SP2: variants seen among roughly 807,000 people sequenced by gnomAD.
The protein encoded by SP2 is transcription factor Sp2.
SP2 carries 9 observed loss-of-function variants against 50.1 expected under a neutral mutation model. That is an observed-to-expected ratio of 0.18 (90% confidence interval 0.11 to 0.31). SP2 has a LOEUF of 0.31. Ranked by LOEUF, SP2 falls within the 10% of genes least tolerant of loss-of-function variation. The pLI is 1.00. For synonymous variants in SP2, 313 were observed against 326.6 expected (o/e 0.96, Z 0.45); for missense variants, 581 against 806.5 (o/e 0.72, Z 3.39).
chr17:47,920,747 A>T lies in SP2; in HGVS notation c.1060-2215A>T, dbSNP rs550067482. Among the ~76,000 whole-genome samples the T allele has an allele frequency of 6.6e-5, 10 of 152,306 alleles. No individual in the cohort carries two copies. In the East Asian group the frequency reaches 1.5e-3, roughly 23 times the overall value. On this transcript the variant is annotated intron_variant, in intron 3 of 6. Coordinates refer to ENST00000376741, the MANE Select transcript of SP2 (RefSeq NM_003110.6). ...TCAGGTTGGCTCTTATATCCCTCTG[A>T]CAGGCTCTCATTCTTTTTTTTTATA...
chr17:47,917,208 C>G, intron 3 of SP2, 78 bp downstream of exon 3: 1 of 1,416,050 alleles, frequency 7.1e-7, no homozygotes, highest in Non-Finnish European at 9.6e-7. Flanking sequence ...TGATGCTGGT[C>G]ATCTCCCAGC....
intron 4 of SP2, among the ~76,000 whole-genome samples, chr17:47,924,344 C>T (rs2035570641): frequency 6.6e-6 from 1 of 152,084 alleles, no homozygotes; most frequent in Non-Finnish European, 1.5e-5. Flanking sequence ...CCTATATGCC[C>T]AGGCTGGTCT....
At chr17:47,915,484 T>C in intron 2 of SP2, 96 bp downstream of exon 2, 2 of 737,256 alleles carry the variant, frequency 2.7e-6, no homozygotes, top group Non-Finnish European at 4.4e-6. Context: ...ATAAATACCC[T>C]AGGTTATGAG....
chr17:47,900,055 A>G (rs2034478692), intron 1 of SP2: 2 of 152,248 alleles, frequency 1.3e-5, no homozygotes, highest in Admixed American at 6.5e-5. Flanking sequence ...GCAGAGGCTT[A>G]GCTTTCTTGT....
chr17:47,916,106 G>A lies in SP2; in HGVS notation c.85-50G>A, dbSNP rs367966307. 107 of 1,553,604 alleles carry A rather than the reference G, an allele frequency of 6.9e-5. No individual in the cohort carries two copies. The highest frequency in any genetic ancestry group is 2.6e-4 in the South Asian group (21 of 80,722). ...GAGAGGATCATGGACAGAGGCGGCC[G>A]GGCAGCGGGCCTTCCTGTCTCACTC... On this transcript the variant is annotated intron_variant, in intron 2 of 6. Coordinates refer to ENST00000376741, the MANE Select transcript of SP2 (RefSeq NM_003110.6). The surrounding 1 kb of genome is among the most constrained non-coding windows in gnomAD (Gnocchi z 4.7).
intron 1 of SP2, chr17:47,909,682 T>C (rs912232279): frequency 6.1e-5 from 60 of 983,506 alleles, no homozygotes; most frequent in Non-Finnish European, 7.1e-5. Context: ...AGGAGGAGGC[T>C]AAGAGGGACC....
rs757345564 is a variant in SP2, at chr17:47,916,841, C to A, written c.770C>A (p.Pro257His). 29 of 1,614,062 alleles carry A rather than the reference C, an allele frequency of 1.8e-5. No individual in the cohort carries two copies. The highest frequency in any genetic ancestry group is 2.2e-5 in the Non-Finnish European group (26 of 1,179,996). ...ARKKSLPASQPPVAVAEQVET... is the reference protein window; with the variant it reads ...ARKKSLPASQHPVAVAEQVET... ...AAGAAGAGCCTTCCTGCCTCCCAGC[C>A]CCCTGTGGCTGTGGCTGAGCAGGTG... Residue 257 changes from proline to histidine, a missense_variant, in exon 3 of 7, where the codon CCC becomes CAC. Physicochemically the swap from Pro to His is moderately conservative, Grantham distance 77. Around this residue, in one of 2 missense-constraint regions of SP2, gnomAD observed 397 missense variants for 491.0 expected, o/e 0.81. Transcript: ENST00000376741. The surrounding 1 kb of genome is among the most constrained non-coding windows in gnomAD (Gnocchi z 4.7).
chr17:47,925,268 C>A, intron 5 of SP2, 80 bp from the exon 6 acceptor site: 1 of 1,448,092 alleles, frequency 6.9e-7, no homozygotes, highest in Non-Finnish European at 9.5e-7. Flanking sequence ...ATCCTCACTG[C>A]ATCCTGTTCC....
At position 47,923,231 on chromosome 17, in the gene SP2, TGTCCAG is replaced by T. The variant is rs766704376; in HGVS notation, c.1337_1342del (p.Val446_Gln447del). On this transcript the variant is annotated inframe_deletion, in exon 4 of 7. Transcript: ENST00000376741. ...CAATGCAGACCATCAACATCAATGG[TGTCCAG>T]GTCCAGGGCGTGCCTGTCACCATCA... The T allele has an allele frequency of 6.2e-7, 1 of 1,610,678 alleles. No homozygotes were observed. Among genetic ancestry groups the T allele is most frequent in the East Asian group, 2.2e-5 (1 of 44,892 alleles).
In SP2 at chr17:47,911,846, G is replaced by T. The variant is rs545039590; in HGVS notation, c.8-3466G>T. Among the ~76,000 whole-genome samples, 3 of 151,412 alleles carry T rather than the reference G, an allele frequency of 2.0e-5. No individual in the cohort carries two copies. In the East Asian group the frequency reaches 5.8e-4, roughly 29 times the overall value. On this transcript the variant is annotated intron_variant, in intron 1 of 6. Coordinates refer to ENST00000376741, the MANE Select transcript of SP2 (RefSeq NM_003110.6). Reference sequence around the variant, plus strand: ...ATCACAGTGAAAACACACAAGAAAAGAATAAAAAGGCCTCTGCGGAGATGC... The same window carrying T: ...ATCACAGTGAAAACACACAAGAAAATAATAAAAAGGCCTCTGCGGAGATGC...
intron 1 of SP2, among the ~76,000 whole-genome samples, chr17:47,901,434 C>T (rs560042163): frequency 4.0e-5 from 6 of 151,098 alleles, no homozygotes; most frequent in South Asian, 2.1e-4. Flanking sequence ...CGTGAGCCAC[C>T]GTGCCTGGCT....
At chr17:47,920,992 A>G (rs1030286474) in intron 3 of SP2, among the ~76,000 whole-genome samples, 4 of 151,874 alleles carry the variant, frequency 2.6e-5, no homozygotes, top group African/African-American at 9.7e-5. Flanking sequence ...TCTATTTGTA[A>G]TGTTTTCAAG....
chr17:47,901,083 G>A (rs1423366108), intron 1 of SP2, among the ~76,000 whole-genome samples: 3 of 149,204 alleles, frequency 2.0e-5, no homozygotes, highest in South Asian at 4.1e-4. Context: ...TGACAGTCAC[G>A]TTTTGGAAAG....
chr17:47,919,519 C>A (rs1391713835), intron 3 of SP2, among the ~76,000 whole-genome samples: 1 of 152,106 alleles, frequency 6.6e-6, no homozygotes, highest in East Asian at 1.9e-4. Context: ...ATCAAAATCA[C>A]AACAGGATTT....
chr17:47,902,890 G>T (rs2034599097), intron 1 of SP2, among the ~76,000 whole-genome samples: 1 of 152,194 alleles, frequency 6.6e-6, no homozygotes, highest in Non-Finnish European at 1.5e-5. Flanking sequence ...CAAGGAGCTG[G>T]GATTACAGGC....
chr17:47,929,243 G>C (rs11651625), downstream of SP2, among the ~76,000 whole-genome samples: 8,917 of 152,300 alleles, frequency 0.059, 332 homozygotes, highest in Middle Eastern at 0.088. Context: ...AAGCAGATAC[G>C]AAGAGCCAAG....
chr17:47,919,863 A>G, intron 3 of SP2, among the ~76,000 whole-genome samples: 1 of 67,476 alleles, frequency 1.5e-5, no homozygotes, highest in African/African-American at 5.1e-5. Flanking sequence ...TTTTTGAGAC[A>G]GGGTCTCGTT....
chr17:47,927,360 C>A (rs2035689994), intron 6 of SP2, among the ~76,000 whole-genome samples: 1 of 151,816 alleles, frequency 6.6e-6, no homozygotes, highest in Non-Finnish European at 1.5e-5. Flanking sequence ...ATGGCGAAAC[C>A]CTGTCTCTAC....
At position 47,927,712 on chromosome 17, in the gene SP2, T is replaced by C. The variant is rs1313229290; in HGVS notation, c.1742-12T>C. The stretch of plus-strand genomic sequence containing the variant: ...ACAGGGTCTGTGGGTGATGGGCATC[T>C]CCTCTTCCCAGGGGACAAACGCTTC... On this transcript the variant is annotated splice_polypyrimidine_tract_variant and intron_variant, in intron 6 of 6. Transcript: ENST00000376741. 1 of 1,557,094 alleles carries C rather than the reference T, an allele frequency of 6.4e-7. No individual in the cohort carries two copies. Among genetic ancestry groups the C allele is most frequent in the African/African-American group, 1.4e-5 (1 of 73,696 alleles).
Sources: allele counts gnomAD v4.1 joint callset (sites outside exome capture counted in the v4.1 genomes callset), GRCh38; gene constraint gnomAD v4.1.1; regional missense constraint gnomAD v4.1.1; non-coding constraint Gnocchi (gnomAD v3.1); transcripts MANE v1.5; gene names NCBI Gene and HGNC (gene_info 2026-07-23, HGNC 2026-07-21).